LAMA1: variants seen among roughly 807,000 people sequenced by gnomAD.
LAMA1 encodes the protein laminin subunit alpha-1.
Under a neutral mutation model 348.7 loss-of-function variants are expected in LAMA1, and 219 were observed. The observed-to-expected ratio is 0.63, with a 90% CI of 0.56 to 0.70. The LOEUF is 0.70. LAMA1 is among the 30% of genes least tolerant of loss of function. The probability of loss-of-function intolerance (pLI) is 0.00; values close to 1 mark genes in which losing one functional copy is unlikely to be tolerated. For synonymous variants in LAMA1, 1,487 were observed against 1,491.0 expected, an observed-to-expected ratio of 1.00 and a Z score of 0.06; for missense variants, 3,744 against 3,888.0, an observed-to-expected ratio of 0.96 and a Z score of 0.99.
chr18:7,026,370 A>G (rs992547135), intron 16 of LAMA1, among the ~76,000 whole-genome samples: 4 of 152,186 alleles, frequency 2.6e-5, no homozygotes, highest in Non-Finnish European at 5.9e-5. Context: ...TTTTGCAAAC[A>G]TGACAGCAAG....
chr18:7,084,943 G>T (rs909757677), intron 1 of LAMA1, among the ~76,000 whole-genome samples: 1 of 151,972 alleles, frequency 6.6e-6, no homozygotes, highest in East Asian at 1.9e-4. Context: ...CAACTTCTTT[G>T]CCAATATTTT....
At chr18:6,966,059 T>C (rs2057631581) in intron 49 of LAMA1, 88 bp downstream of exon 49, 1 of 1,420,212 alleles carries the variant, frequency 7.0e-7, no homozygotes, top group Admixed American at 1.8e-5. Flanking sequence ...ACATATTTAA[T>C]TAGTAAATCC....
rs373605473 is a variant in LAMA1, at chr18:7,012,007, G to A, written c.3495C>T (p.Tyr1165=). The A allele has an allele frequency of 4.9e-5, 79 of 1,607,172 alleles. No homozygotes were observed. Among genetic ancestry groups the A allele is most frequent in the Admixed American group, 1.2e-4 (7 of 59,088 alleles). ...LSHLCSELED[Y]VRTPVTLGSD... is the part of the protein sequence containing the mutation. Reference sequence around the variant, plus strand: ...GTGTGTGACTTACTGGGGTCCTCACGTAGTCCTCCAGCTCTGAGCAGAGGT... The same window carrying A: ...GTGTGTGACTTACTGGGGTCCTCACATAGTCCTCCAGCTCTGAGCAGAGGT... Residue 1165 remains tyrosine, a synonymous_variant, in exon 24 of 63, where the codon TAC becomes TAT. Coordinates refer to ENST00000389658, the MANE Select transcript of LAMA1 (RefSeq NM_005559.4).
At chr18:6,985,846 T>C (rs968166657) in intron 37 of LAMA1, among the ~76,000 whole-genome samples, 6 of 152,228 alleles carry the variant, frequency 3.9e-5, no homozygotes, top group Admixed American at 1.3e-4. Flanking sequence ...ACAACCTCCA[T>C]CTCCCAAGTT....
At chr18:7,108,640 C>CAAAAAAAAAAA (rs58802341) in intron 1 of LAMA1, among the ~76,000 whole-genome samples, 516 of 40,220 alleles carry the variant, frequency 0.013, 65 homozygotes, top group Middle Eastern at 0.029. Flanking sequence ...GACTCTGTCT[C>CAAAAAAAAAAA]AAAAAAAAAA....
intron 10 of LAMA1, 86 bp from the exon 11 acceptor site, chr18:7,039,036 G>T: frequency 9.2e-7 from 1 of 1,083,386 alleles, no homozygotes; most frequent in Non-Finnish European, 1.4e-6. Flanking sequence ...TAGGTGTTCG[G>T]TGATCCACAG....
chr18:6,983,156 A>C lies in LAMA1; in HGVS notation c.5739T>G (p.Ile1913Met). 1 of 1,614,176 alleles carries C rather than the reference A, an allele frequency of 6.2e-7. No individual in the cohort carries two copies. Among genetic ancestry groups the C allele is most frequent in the Non-Finnish European group, 8.5e-7 (1 of 1,180,014 alleles). ...AYVHYNIQSL[I>M]EESEELARDA... is the part of the protein sequence containing the mutation. ...CTCTGGCCAGTTCCTCCGATTCTTC[A>C]ATCAGGCTCTGGATGTTGTAATGGA... Residue 1913 changes from isoleucine to methionine, a missense_variant, in exon 40 of 63, where the codon ATT becomes ATG. By Grantham distance (10) the Ile-to-Met change is conservative. This residue lies in a region of LAMA1 where 1,983 missense variants were observed against 1,934.3 expected (regional missense o/e 1.03). Transcript: ENST00000389658.
Position 6,959,489 on chromosome 18 carries a change from A to G in LAMA1, c.7630T>C (p.Phe2544Leu). The G allele has an allele frequency of 6.2e-7, 1 of 1,614,174 alleles. No homozygotes were observed. The highest frequency in any genetic ancestry group is 2.2e-5 in the East Asian group (1 of 44,886). The part of the protein sequence containing the change: ...RGDREEAHVP[F>L]FSVMLIGGNI... ...CCTCCGATCAGCATGACGGAAAAGA[A>G]GGGCTGGGGAGGTTGCATAGAGAAT... Residue 2544 changes from phenylalanine to leucine, a missense_variant, in exon 54 of 63, where the codon TTC becomes CTC. Transcript: ENST00000389658.
chr18:7,023,733 C>T (rs1242099304), intron 18 of LAMA1, among the ~76,000 whole-genome samples: 3 of 152,148 alleles, frequency 2.0e-5, no homozygotes, highest in Admixed American at 1.3e-4. Context: ...AGCCAGAAGA[C>T]GGCTACTAAA....
intron 1 of LAMA1, among the ~76,000 whole-genome samples, chr18:7,092,653 C>T (rs2058244208): frequency 6.6e-6 from 1 of 150,770 alleles, no homozygotes; most frequent in South Asian, 2.1e-4. Flanking sequence ...AAAGAATGCC[C>T]TTTGCAAGGT....
intron 19 of LAMA1, among the ~76,000 whole-genome samples, chr18:7,020,088 T>C (rs1192439076): frequency 6.6e-6 from 1 of 152,214 alleles, no homozygotes; most frequent in African/African-American, 2.4e-5. Context: ...TTTATATATA[T>C]TTTAATTCTC....
At chr18:7,117,152 C>G (rs1183775388) in intron 1 of LAMA1, among the ~76,000 whole-genome samples, 1 of 152,202 alleles carries the variant, frequency 6.6e-6, no homozygotes, top group East Asian at 1.9e-4. Context: ...CCAGGGGCCC[C>G]GAGGAATCCG....
intron 39 of LAMA1, among the ~76,000 whole-genome samples, chr18:6,983,688 G>A (rs569136657): frequency 1.3e-4 from 20 of 152,306 alleles, no homozygotes; most frequent in Admixed American, 9.1e-4. Context: ...AATGGCATAC[G>A]ACAATTTTAC....
chr18:6,963,680 C>T (rs1276903974), intron 51 of LAMA1, among the ~76,000 whole-genome samples: 1 of 152,192 alleles, frequency 6.6e-6, no homozygotes, highest in Non-Finnish European at 1.5e-5. Flanking sequence ...CGCTGAATGG[C>T]CCAGTTTGGA....
chr18:6,971,711 G>T, intron 48 of LAMA1, 146 bp downstream of exon 48: 1 of 1,087,374 alleles, frequency 9.2e-7, no homozygotes, highest in Non-Finnish European at 1.4e-6. Context: ...GTATGAAAAA[G>T]CATGGCTTTG....
chr18:6,963,240 C>T (rs987056761), intron 51 of LAMA1, among the ~76,000 whole-genome samples: 15 of 152,152 alleles, frequency 9.9e-5, no homozygotes, highest in African/African-American at 3.4e-4. Flanking sequence ...TCTGTCCTTT[C>T]CTGCGTTGTC....
chr18:6,966,261 C>T lies in LAMA1; in HGVS notation c.6936G>A (p.Gly2312=). Residue 2312 remains glycine, a synonymous_variant, in exon 49 of 63, where the codon GGG becomes GGA. Transcript: ENST00000389658. The part of the protein sequence containing the change: ...QNEDPSFHFD[G]SGYSVVEKSL... ...ACTTCTCCACGACAGAGTACCCACT[C>T]CCGTCAAAATGGAAGGAAGGGTCTT... 6.2e-7 allele frequency: 1 copy of T among 1,613,888 alleles called. No homozygotes were observed. Among genetic ancestry groups the T allele is most frequent in the Non-Finnish European group, 8.5e-7 (1 of 1,179,940 alleles).
intron 1 of LAMA1, among the ~76,000 whole-genome samples, chr18:7,085,482 G>C (rs921583280): frequency 1.5e-5 from 2 of 132,394 alleles, no homozygotes; most frequent in African/African-American, 2.9e-5. Context: ...GCAGTGGCAC[G>C]ATCTCCGCTC....
chr18:7,094,426 C>CAA (rs1194222301), intron 1 of LAMA1, among the ~76,000 whole-genome samples: 60 of 62,992 alleles, frequency 9.5e-4, no homozygotes, highest in Middle Eastern at 8.8e-3. Flanking sequence ...GACTCCGTCT[C>CAA]AAAAAAAAAA....
Sources: allele counts gnomAD v4.1 joint callset (sites outside exome capture counted in the v4.1 genomes callset), GRCh38; gene constraint gnomAD v4.1.1; regional missense constraint gnomAD v4.1.1; transcripts MANE v1.5; gene names NCBI Gene and HGNC (gene_info 2026-07-23, HGNC 2026-07-21).